The following PCDH15 variants were observed in gnomAD, a reference collection of about 807,000 sequenced individuals.
PCDH15 encodes protocadherin-15.
Under a neutral mutation model 178.5 loss-of-function variants are expected in PCDH15, and 129 were observed. The ratio of observed to expected loss-of-function variants is 0.72; its 90% CI spans 0.63 to 0.84. The LOEUF is 0.84. Among genes scored for constraint, PCDH15 ranks in the 40% least tolerant of loss-of-function variants. PCDH15 has a pLI of 0.00. For missense variants in PCDH15, 2,230 were observed against 2,099.9 expected (o/e 1.06, Z -1.21); for synonymous variants, 800 against 732.0 (o/e 1.09, Z -1.50).
intron 3 of PCDH15, among the ~76,000 whole-genome samples, chr10:54,839,318 C>T (rs1001095568): frequency 6.6e-6 from 1 of 151,696 alleles, no homozygotes; most frequent in Non-Finnish European, 1.5e-5. Context: ...GAAATAGAAA[C>T]CATAAAAAGA....
rs1458730703 is a variant in PCDH15 at position 53,925,618 on chromosome 10, G to C, written c.3373+13197C>G. 3.3e-5 allele frequency among the ~76,000 whole-genome samples: 5 copies of C among 152,308 alleles called. No individual in the cohort carries two copies. The South Asian group carries it at 1.0e-3, about 32-fold the overall frequency. On this transcript the variant is annotated intron_variant, in intron 25 of 37. Coordinates refer to ENST00000644397, the MANE Select transcript of PCDH15 (RefSeq NM_001384140.1). Reference sequence around the variant, plus strand: ...TCACTAGCTCATCTCCTCTTAAAGAGATCATTGCCTCGACAGGGAATCTCC... The same window carrying C: ...TCACTAGCTCATCTCCTCTTAAAGACATCATTGCCTCGACAGGGAATCTCC...
intron 2 of PCDH15, among the ~76,000 whole-genome samples, chr10:55,137,423 A>C (rs1486831318): frequency 6.6e-6 from 1 of 152,146 alleles, no homozygotes; most frequent in Non-Finnish European, 1.5e-5. Flanking sequence ...ACAGCAGGCT[A>C]TATGATCTAG....
At chr10:53,982,169 A>T (rs986447922) in intron 21 of PCDH15, among the ~76,000 whole-genome samples, 1 of 152,134 alleles carries the variant, frequency 6.6e-6, no homozygotes, top group Non-Finnish European at 1.5e-5. Flanking sequence ...GTCAGGAAAC[A>T]ACAGGTGCTG....
chr10:54,058,727 CT>C (rs1305083604), intron 18 of PCDH15, among the ~76,000 whole-genome samples: 1 of 146,332 alleles, frequency 6.8e-6, no homozygotes, highest in African/African-American at 2.5e-5. Context: ...AAGTTTTGCT[CT>C]TGTTGCCCAG....
rs369333708 is a variant in PCDH15, at chr10:54,111,972, CAAA to C, written c.1917+20900_1917+20902del. ...TGAAACCCCATCTCTACCAAAAATA[CAAA>C]AAAAAAAAAAAACAAAACTTAGCTT... On this transcript the variant is annotated intron_variant, in intron 15 of 37. Transcript: ENST00000644397. 8.5e-4 allele frequency among the ~76,000 whole-genome samples: 83 copies of C among 97,574 alleles called. 1 individual carries two copies. Among genetic ancestry groups the C allele is most frequent in the African/African-American group, 3.0e-3 (81 of 26,604 alleles). The allele number at this position is 97,574 out of a possible 152,430, so 64.0% of individuals were successfully genotyped here. A position where few individuals can be genotyped will look rare whatever the true frequency, so the allele number is the denominator to read the frequency against.
chr10:54,092,601 G>A (rs1422593414), intron 15 of PCDH15, among the ~76,000 whole-genome samples: 2 of 151,684 alleles, frequency 1.3e-5, no homozygotes, highest in Non-Finnish European at 2.9e-5. Flanking sequence ...CATAATGGAA[G>A]CCTAGGAGTA....
chr10:54,200,268 A>ATT (rs2050089088), intron 10 of PCDH15, among the ~76,000 whole-genome samples: 2 of 66,668 alleles, frequency 3.0e-5, no homozygotes, highest in African/African-American at 6.2e-5. Flanking sequence ...TACAGAGCCC[A>ATT]CTTTTTTTTT....
intron 3 of PCDH15, among the ~76,000 whole-genome samples, chr10:54,840,979 A>G (rs1213043425): frequency 6.6e-6 from 1 of 151,826 alleles, no homozygotes; most frequent in East Asian, 1.9e-4. Flanking sequence ...AATAATAGTA[A>G]GAGACTTCAC....
chr10:54,772,256 G>A (rs558919381), intron 1 of PCDH15, among the ~76,000 whole-genome samples: 405 of 152,006 alleles, frequency 2.7e-3, no homozygotes, highest in Non-Finnish European at 4.0e-3. Flanking sequence ...AGTTAATTTA[G>A]GAAGAGCCAT....
rs375998389 is a variant in PCDH15, at chr10:54,269,925, C to T, written c.877-32994G>A. The stretch of plus-strand genomic sequence containing the variant: ...GTTAAATGATACACATAATAAATTT[C>T]TAAGTAGTAATTATGATTATGCCCA... On this transcript the variant is annotated intron_variant, in intron 8 of 37. Transcript: ENST00000644397. Among the ~76,000 whole-genome samples, 21 of 151,990 alleles carry T rather than the reference C, an allele frequency of 1.4e-4. No homozygotes were observed. In the South Asian group the frequency reaches 1.5e-3, roughly 11 times the overall value.
chr10:54,853,892 G>T (rs1323329130), intron 3 of PCDH15, among the ~76,000 whole-genome samples: 2 of 152,100 alleles, frequency 1.3e-5, no homozygotes, highest in African/African-American at 4.8e-5. Context: ...TGTTTTTATG[G>T]CCAGAAACCT....
intron 2 of PCDH15, among the ~76,000 whole-genome samples, chr10:54,993,149 G>T (rs2131919574): frequency 6.6e-6 from 1 of 152,264 alleles, no homozygotes; most frequent in South Asian, 2.1e-4. Context: ...ACGACTGAAA[G>T]GACTTGGGGA....
chr10:55,514,962 T>G (rs1840974948), intron 2 of PCDH15, among the ~76,000 whole-genome samples: 1 of 149,908 alleles, frequency 6.7e-6, no homozygotes, highest in African/African-American at 2.5e-5. Context: ...TGAGGCAAAA[T>G]ATATATAGAT....
intron 1 of PCDH15, among the ~76,000 whole-genome samples, chr10:54,693,608 C>T (rs2095168363): frequency 6.6e-6 from 1 of 152,090 alleles, no homozygotes; most frequent in South Asian, 2.1e-4. Flanking sequence ...ATGGTGATTG[C>T]TTTTTCAGTA....
upstream of PCDH15, among the ~76,000 whole-genome samples, chr10:54,802,799 A>C (rs962390140): frequency 6.6e-5 from 10 of 152,158 alleles, no homozygotes; most frequent in African/African-American, 2.4e-4. Context: ...TTCTAATGAC[A>C]ATTCAGCCTC....
chr10:54,312,515 T>C (rs1453926427), intron 8 of PCDH15, among the ~76,000 whole-genome samples: 2 of 152,028 alleles, frequency 1.3e-5, no homozygotes, highest in African/African-American at 4.8e-5. Flanking sequence ...CCCTTCAAAT[T>C]CCATAGCTAA....
intron 2 of PCDH15, among the ~76,000 whole-genome samples, chr10:55,539,506 T>C (rs1841708187): frequency 6.6e-6 from 1 of 152,038 alleles, no homozygotes; most frequent in Admixed American, 6.6e-5. Flanking sequence ...CAAAAGAAAG[T>C]AAAATGCTTT....
intron 6 of PCDH15, among the ~76,000 whole-genome samples, chr10:54,339,292 A>G (rs573437604): frequency 6.6e-6 from 1 of 152,310 alleles, no homozygotes; most frequent in African/African-American, 2.4e-5. Context: ...CCAAAAGATT[A>G]GACAGACACC....
intron 1 of PCDH15, among the ~76,000 whole-genome samples, chr10:54,738,395 A>G (rs1292964150): frequency 6.6e-6 from 1 of 152,090 alleles, no homozygotes; most frequent in Non-Finnish European, 1.5e-5. Context: ...ATGTGTTTTA[A>G]TTTAGTATTT....
Sources: allele counts gnomAD v4.1 joint callset (sites outside exome capture counted in the v4.1 genomes callset), GRCh38; gene constraint gnomAD v4.1.1; transcripts MANE v1.5; gene names NCBI Gene and HGNC (gene_info 2026-07-23, HGNC 2026-07-21).